The following FGF14 variants were observed in gnomAD, a reference collection of about 807,000 sequenced individuals.
The protein encoded by FGF14 is fibroblast growth factor 14.
FGF14 carries 5 observed loss-of-function variants against 25.5 expected under a neutral mutation model. The observed-to-expected ratio is 0.20, with a 90% confidence interval of 0.10 to 0.41. The LOEUF (loss-of-function observed/expected upper bound fraction) is 0.41, where lower values mean the gene tolerates loss of function less well. FGF14 is among the 10% of genes least tolerant of loss of function. The pLI is 1.00. For synonymous variants in FGF14, 138 were observed against 118.3 expected, an observed-to-expected ratio of 1.17 and a Z score of -1.08; for missense variants, 222 against 320.1, an observed-to-expected ratio of 0.69 and a Z score of 2.34.
chr13:101,794,993 CA>C (rs1342518320), intron 3 of FGF14, among the ~76,000 whole-genome samples: 2 of 152,106 alleles, frequency 1.3e-5, no homozygotes, highest in Admixed American at 1.3e-4. Context: ...TGCATAAATG[CA>C]GCAAAACCTT....
At chr13:101,819,065 ATACCCAGTGCTTTG>A (rs144739479) in intron 3 of FGF14, among the ~76,000 whole-genome samples, 2,102 of 152,272 alleles carry the variant, frequency 0.014, 69 homozygotes, top group African/African-American at 0.047. Context: ...CATTTACTGT[ATACCCAGTGCTTTG>A]TACCCAGTCA....
intron 2 of FGF14, among the ~76,000 whole-genome samples, chr13:101,871,848 T>G: frequency 6.6e-6 from 1 of 152,082 alleles, no homozygotes; most frequent in Non-Finnish European, 1.5e-5. Flanking sequence ...ATAAAGCAGT[T>G]GACTTGCTAC....
At chr13:102,063,758 T>C (rs905391482) in intron 1 of FGF14, among the ~76,000 whole-genome samples, 21 of 152,242 alleles carry the variant, frequency 1.4e-4, no homozygotes, top group African/African-American at 4.3e-4. Context: ...AATAAGATTT[T>C]CAAATATTAT....
At chr13:102,081,129 T>C (rs694044) in intron 1 of FGF14, among the ~76,000 whole-genome samples, 5,242 of 152,296 alleles carry the variant, frequency 0.034, 284 homozygotes, top group African/African-American at 0.12. Flanking sequence ...CCATAAAAGA[T>C]ACCTGAATTA....
intron 1 of FGF14, among the ~76,000 whole-genome samples, chr13:102,281,428 C>T (rs2053827666): frequency 6.6e-6 from 1 of 152,010 alleles, no homozygotes; most frequent in Non-Finnish European, 1.5e-5. Context: ...TGTTTTGGTC[C>T]CACCTCATCT....
intron 1 of FGF14, among the ~76,000 whole-genome samples, chr13:102,387,011 A>G (rs1238746705): frequency 6.6e-6 from 1 of 152,124 alleles, no homozygotes; most frequent in African/African-American, 2.4e-5. Flanking sequence ...CCTAAAATGG[A>G]CCCTTCCCCT....
intron 1 of FGF14, among the ~76,000 whole-genome samples, 195 bp downstream of exon 1, chr13:101,916,258 C>T (rs1485179158): frequency 1.3e-5 from 2 of 152,238 alleles, no homozygotes; most frequent in Admixed American, 6.5e-5. Flanking sequence ...TCTCTGGCGG[C>T]TGCACTTCTC....
At chr13:102,393,195 C>T (rs939426988) in intron 1 of FGF14, among the ~76,000 whole-genome samples, 1 of 152,152 alleles carries the variant, frequency 6.6e-6, no homozygotes, top group Non-Finnish European at 1.5e-5. Flanking sequence ...TCTTCCTTGG[C>T]CCTATAGCAC....
At chr13:102,028,181 G>A (rs1224144464) in intron 1 of FGF14, among the ~76,000 whole-genome samples, 2 of 152,018 alleles carry the variant, frequency 1.3e-5, no homozygotes, top group Admixed American at 6.6e-5. Context: ...CTTTCTTCCC[G>A]AATGGTCTGC....
intron 1 of FGF14, among the ~76,000 whole-genome samples, chr13:102,347,981 C>T (rs548275983): frequency 6.0e-5 from 9 of 149,458 alleles, no homozygotes; most frequent in South Asian, 4.3e-4. Flanking sequence ...AGAATGCATA[C>T]GACCCTAAGT....
At chr13:101,828,860 G>A (rs888175686) in intron 3 of FGF14, among the ~76,000 whole-genome samples, 7 of 152,050 alleles carry the variant, frequency 4.6e-5, no homozygotes, top group African/African-American at 1.4e-4. Context: ...GGAATGGAAG[G>A]CAAAGAGAAC....
intron 1 of FGF14, among the ~76,000 whole-genome samples, chr13:102,021,399 C>G (rs572898964): frequency 6.6e-6 from 1 of 151,962 alleles, no homozygotes; most frequent in South Asian, 2.1e-4. Context: ...GTGAACTCCT[C>G]ACTCCCTAAT....
intron 3 of FGF14, among the ~76,000 whole-genome samples, chr13:101,852,241 G>A (rs866391235): frequency 1.1e-4 from 16 of 151,924 alleles, no homozygotes; most frequent in East Asian, 3.9e-4. Context: ...AAAAGCTGAC[G>A]TCAAGAAAAC....
chr13:101,872,406 A>G (rs2045149369), intron 2 of FGF14, among the ~76,000 whole-genome samples: 1 of 151,852 alleles, frequency 6.6e-6, no homozygotes. Context: ...TGATTATTAC[A>G]TCACCTCTGT....
chr13:102,055,466 T>C (rs1170829812), intron 1 of FGF14, among the ~76,000 whole-genome samples: 2 of 152,258 alleles, frequency 1.3e-5, no homozygotes, highest in Non-Finnish European at 2.9e-5. Flanking sequence ...ACTAAGATTA[T>C]ATCATATTCC....
At chr13:101,976,591 C>G (rs2037940969) in intron 1 of FGF14, among the ~76,000 whole-genome samples, 1 of 152,182 alleles carries the variant, frequency 6.6e-6, no homozygotes, top group African/African-American at 2.4e-5. Flanking sequence ...CACCCGCCCT[C>G]TTCCTTCCCC....
chr13:102,320,488 C>T (rs2056203976), intron 1 of FGF14, among the ~76,000 whole-genome samples: 1 of 152,086 alleles, frequency 6.6e-6, no homozygotes, highest in African/African-American at 2.4e-5. Context: ...CTGGAGTTAT[C>T]CTAGGGAAAA....
chr13:101,914,362 G>A (rs1409633198), intron 1 of FGF14, among the ~76,000 whole-genome samples: 1 of 151,556 alleles, frequency 6.6e-6, no homozygotes, highest in Non-Finnish European at 1.5e-5. Context: ...TTTCTCCTCT[G>A]AAGAATATAT....
At chr13:102,237,449 C>T (rs2051380251) in intron 1 of FGF14, among the ~76,000 whole-genome samples, 2 of 152,178 alleles carry the variant, frequency 1.3e-5, no homozygotes, top group Non-Finnish European at 2.9e-5. Flanking sequence ...CTGCGAGGGG[C>T]GCATGCCCAG....
Sources: allele counts gnomAD v4.1 joint callset (sites outside exome capture counted in the v4.1 genomes callset), GRCh38; gene constraint gnomAD v4.1.1; transcripts MANE v1.5; gene names NCBI Gene and HGNC (gene_info 2026-07-23, HGNC 2026-07-21).